Variants in GRID2 observed in about 807,000 individuals in gnomAD.
GRID2 encodes glutamate ionotropic receptor delta type subunit 2.
Under a neutral mutation model 114.8 loss-of-function variants are expected in GRID2, and 33 were observed. The ratio of observed to expected loss-of-function variants is 0.29; its 90% confidence interval spans 0.22 to 0.38. The LOEUF is 0.38. Among genes scored for constraint, GRID2 ranks in the 10% least tolerant of loss-of-function variants. The pLI, the probability that GRID2 is intolerant of heterozygous loss-of-function variation, is 1.00. For missense variants in GRID2, 1,184 were observed against 1,257.7 expected, an observed-to-expected ratio of 0.94 and a Z score of 0.89; for synonymous variants, 505 against 449.9, an observed-to-expected ratio of 1.12 and a Z score of -1.55.
chr4:92,343,364 G>A (rs1348140248), intron 1 of GRID2, among the ~76,000 whole-genome samples: 2 of 151,580 alleles, frequency 1.3e-5, no homozygotes, highest in African/African-American at 4.8e-5. Flanking sequence ...CATTATAAAT[G>A]TACACTCTCT....
intron 2 of GRID2, among the ~76,000 whole-genome samples, chr4:93,018,701 A>C (rs1447703282): frequency 6.6e-6 from 1 of 152,188 alleles, no homozygotes; most frequent in Non-Finnish European, 1.5e-5. Context: ...TGGTGTAAAG[A>C]GAAAGTAAGT....
chr4:92,904,227 A>T (rs930086324), intron 2 of GRID2, among the ~76,000 whole-genome samples: 3 of 151,358 alleles, frequency 2.0e-5, no homozygotes, highest in Non-Finnish European at 3.0e-5. Flanking sequence ...TATCATTTTA[A>T]TGACTCCTGT....
intron 2 of GRID2, among the ~76,000 whole-genome samples, chr4:92,879,797 T>C (rs1279612497): frequency 6.6e-6 from 1 of 152,264 alleles, no homozygotes; most frequent in African/African-American, 2.4e-5. Context: ...AATGTTTCTA[T>C]GTTAATTTGT....
intron 4 of GRID2, among the ~76,000 whole-genome samples, chr4:93,157,238 G>T (rs547126546): frequency 6.6e-6 from 1 of 151,440 alleles, no homozygotes; most frequent in African/African-American, 2.4e-5. Context: ...TGTGAGACTC[G>T]AAACACCCTG....
At chr4:92,882,960 T>C (rs920406767) in intron 2 of GRID2, among the ~76,000 whole-genome samples, 9 of 152,224 alleles carry the variant, frequency 5.9e-5, no homozygotes, top group Non-Finnish European at 1.0e-4. Context: ...TCGGGGTGGC[T>C]GTGGCAATTT....
At chr4:92,896,928 G>C (rs111923802) in intron 2 of GRID2, among the ~76,000 whole-genome samples, 2,244 of 152,184 alleles carry the variant, frequency 0.015, 22 homozygotes, top group East Asian at 0.053. Flanking sequence ...TTTTAGTAGA[G>C]ACGGGGTTTC....
At chr4:93,332,201 A>G (rs1351108564) in intron 8 of GRID2, among the ~76,000 whole-genome samples, 1 of 151,870 alleles carries the variant, frequency 6.6e-6, no homozygotes, top group African/African-American at 2.4e-5. Flanking sequence ...TTACAGAAGA[A>G]AGACAATTAG....
At chr4:92,775,165 C>T (rs531461508) in intron 2 of GRID2, among the ~76,000 whole-genome samples, 1 of 152,188 alleles carries the variant, frequency 6.6e-6, no homozygotes, top group African/African-American at 2.4e-5. Context: ...TTTCTTCTTC[C>T]AATTACTCAG....
chr4:93,001,384 G>C (rs1268099586), intron 2 of GRID2, among the ~76,000 whole-genome samples: 1 of 151,576 alleles, frequency 6.6e-6, no homozygotes, highest in Non-Finnish European at 1.5e-5. Context: ...GAGGAACCAA[G>C]TGTCACAGTT....
chr4:93,081,945 C>A (rs1729906035), intron 2 of GRID2, among the ~76,000 whole-genome samples: 1 of 152,140 alleles, frequency 6.6e-6, no homozygotes, highest in Non-Finnish European at 1.5e-5. Flanking sequence ...CTGAAATCTC[C>A]CTTCAGCTGC....
At chr4:93,710,165 T>A (rs939376699) in intron 14 of GRID2, among the ~76,000 whole-genome samples, 1 of 152,210 alleles carries the variant, frequency 6.6e-6, no homozygotes, top group Non-Finnish European at 1.5e-5. Flanking sequence ...AGTTAGGTAC[T>A]TATTGTAGTC....
intron 2 of GRID2, among the ~76,000 whole-genome samples, chr4:92,952,877 T>C (rs1434869873): frequency 1.3e-5 from 2 of 152,208 alleles, no homozygotes; most frequent in Non-Finnish European, 2.9e-5. Context: ...CTCACAGCTC[T>C]TAGAGCGAGA....
At chr4:93,443,284 G>T (rs1249908316) in intron 10 of GRID2, among the ~76,000 whole-genome samples, 2 of 151,828 alleles carry the variant, frequency 1.3e-5, no homozygotes, top group Admixed American at 1.3e-4. Flanking sequence ...TGCCTTATAT[G>T]TTCAATTATA....
intron 1 of GRID2, among the ~76,000 whole-genome samples, chr4:92,360,376 G>C (rs1033946983): frequency 6.6e-6 from 1 of 151,910 alleles, no homozygotes; most frequent in East Asian, 1.9e-4. Context: ...GGATTAGCCT[G>C]TGTGCTGCTG....
chr4:93,302,704 C>A, intron 8 of GRID2: 2 of 402,758 alleles, frequency 5.0e-6, no homozygotes, highest in Non-Finnish European at 4.9e-6. Flanking sequence ...TTGAAAGTGG[C>A]TATTATGCCT....
chr4:93,038,795 GAA>G (rs927197145), intron 2 of GRID2, among the ~76,000 whole-genome samples: 1 of 143,236 alleles, frequency 7.0e-6, no homozygotes, highest in Non-Finnish European at 1.5e-5. Context: ...TGTCTCAAAA[GAA>G]AAAAAAAAGG....
At chr4:92,369,157 T>A (rs1729004141) in intron 1 of GRID2, among the ~76,000 whole-genome samples, 1 of 152,152 alleles carries the variant, frequency 6.6e-6, no homozygotes, top group South Asian at 2.1e-4. Context: ...ATAATAAATA[T>A]ATGAAATATA....
intron 8 of GRID2, among the ~76,000 whole-genome samples, chr4:93,269,773 G>A (rs1303051942): frequency 1.3e-5 from 2 of 152,132 alleles, no homozygotes; most frequent in South Asian, 2.1e-4. Context: ...AGGGACTTGA[G>A]TCTTTATAAA....
chr4:92,445,859 C>T (rs1733430509), intron 1 of GRID2, among the ~76,000 whole-genome samples: 1 of 152,184 alleles, frequency 6.6e-6, no homozygotes, highest in African/African-American at 2.4e-5. Flanking sequence ...TTAATCATTT[C>T]CCATGCTTTA....
Sources: allele counts gnomAD v4.1 joint callset (sites outside exome capture counted in the v4.1 genomes callset), GRCh38; gene constraint gnomAD v4.1.1; transcripts MANE v1.5; gene names NCBI Gene and HGNC (gene_info 2026-07-23, HGNC 2026-07-21).